The following GAREM1 variants were observed in gnomAD, a reference collection of about 807,000 sequenced individuals.
GAREM1 encodes the protein GRB2 associated regulator of MAPK1 subtype 1.
GAREM1 carries 26 observed loss-of-function variants against 71.3 expected under a neutral mutation model. The ratio of observed to expected loss-of-function variants is 0.36; its 90% CI spans 0.27 to 0.51. GAREM1 has a LOEUF of 0.51. Among genes scored for constraint, GAREM1 ranks in the 20% least tolerant of loss-of-function variants. The probability of loss-of-function intolerance (pLI) is 0.95; values close to 1 mark genes in which losing one functional copy is unlikely to be tolerated. For synonymous variants in GAREM1, 440 were observed against 433.2 expected, an observed-to-expected ratio of 1.02 and a Z score of -0.20; for missense variants, 1,026 against 1,103.1, an observed-to-expected ratio of 0.93 and a Z score of 0.99.
At chr18:32,455,156 T>G (rs1238576820) in intron 1 of GAREM1, among the ~76,000 whole-genome samples, 2 of 152,184 alleles carry the variant, frequency 1.3e-5, no homozygotes, top group African/African-American at 4.8e-5. Context: ...CTGTATTTAT[T>G]CAGTCTGGGT....
chr18:32,385,927 C>T (rs576603212), intron 2 of GAREM1, among the ~76,000 whole-genome samples: 6 of 152,198 alleles, frequency 3.9e-5, no homozygotes, highest in Non-Finnish European at 5.9e-5. Flanking sequence ...GCTGAGTTAA[C>T]GAAGTGCCCA....
chr18:32,426,355 G>T (rs1015209858), intron 1 of GAREM1, among the ~76,000 whole-genome samples: 1 of 152,116 alleles, frequency 6.6e-6, no homozygotes, highest in Non-Finnish European at 1.5e-5. Flanking sequence ...GAGAAAATAG[G>T]ATGTTTGACT....
intron 1 of GAREM1, among the ~76,000 whole-genome samples, chr18:32,468,530 G>T (rs1159549343): frequency 6.6e-6 from 1 of 152,204 alleles, no homozygotes; most frequent in Non-Finnish European, 1.5e-5. Context: ...AGCTTGAAAG[G>T]ACACAGTGTT....
chr18:32,451,300 A>G (rs1214373925), intron 1 of GAREM1, among the ~76,000 whole-genome samples: 1 of 137,996 alleles, frequency 7.2e-6, no homozygotes, highest in African/African-American at 2.7e-5. Context: ...GACCAGAATT[A>G]TTCTTTCTTA....
intron 2 of GAREM1, among the ~76,000 whole-genome samples, chr18:32,370,690 T>C (rs889753985): frequency 6.6e-6 from 1 of 152,190 alleles, no homozygotes; most frequent in African/African-American, 2.4e-5. Flanking sequence ...ACCACTTAGA[T>C]TGGCGATCAG....
chr18:32,347,877 G>A (rs529085930), intron 2 of GAREM1, among the ~76,000 whole-genome samples: 167 of 152,200 alleles, frequency 1.1e-3, no homozygotes, highest in Non-Finnish European at 1.8e-3. Flanking sequence ...CGTGTGTCAG[G>A]TCCTTTTCTC....
At chr18:32,317,770 A>G (rs1436755382) in intron 2 of GAREM1, among the ~76,000 whole-genome samples, 2 of 150,156 alleles carry the variant, frequency 1.3e-5, no homozygotes, top group African/African-American at 4.9e-5. Flanking sequence ...AATGCTGAGT[A>G]TTACTACCTC....
intron 2 of GAREM1, among the ~76,000 whole-genome samples, chr18:32,345,361 C>T (rs2047685423): frequency 6.6e-6 from 1 of 152,112 alleles, no homozygotes. Flanking sequence ...AATATAATTA[C>T]ATTTTTGAAA....
intron 4 of GAREM1, among the ~76,000 whole-genome samples, chr18:32,279,321 C>T (rs954139325): frequency 1.3e-4 from 20 of 152,156 alleles, no homozygotes; most frequent in Admixed American, 7.2e-4. Flanking sequence ...GGCAAGTGAG[C>T]CAGTGAAGCT....
intron 3 of GAREM1, among the ~76,000 whole-genome samples, chr18:32,291,513 T>G (rs2047086658): frequency 6.6e-6 from 1 of 152,098 alleles, no homozygotes; most frequent in African/African-American, 2.4e-5. Flanking sequence ...TTTTTTTTAT[T>G]ATAAGTTCTG....
In GAREM1 at chr18:32,287,183, G is replaced by A. The variant is rs35916011; in HGVS notation, c.1414C>T (p.Leu472=). 1 of 1,614,218 alleles carries A rather than the reference G, an allele frequency of 6.2e-7. No individual in the cohort carries two copies. The highest frequency in any genetic ancestry group is 8.5e-7 in the Non-Finnish European group (1 of 1,180,018). The change falls in exon 4 of 6, where the codon CTG becomes TTG. Residue 472 remains leucine (L), a synonymous_variant. Coordinates refer to ENST00000269209, the MANE Select transcript of GAREM1 (RefSeq NM_001242409.2). This position sits in a 1 kb window ranked among gnomAD's most constrained non-coding sequence, Gnocchi z 5.9. The stretch of plus-strand genomic sequence containing the variant: ...TGATCACATCTGTTCTTCTCGCTCA[G>A]AGAGCGAGTGAGAGGCTGATGGCTG... ...KPSHQPLTRS[L]SEKNRCDQFR...
rs116263426 is a variant in GAREM1, at chr18:32,434,181, C to T, written c.121+36127G>A. 5.7e-3 allele frequency among the ~76,000 whole-genome samples: 868 copies of T among 152,122 alleles called. 11 individuals are homozygous for T. The highest frequency in any genetic ancestry group is 0.02 in the African/African-American group (814 of 41,524). ...TTCTCACTGTTGAAAAAAGAAGTTA[C>T]AAATACAAAAAGGAGGACTATCAAA... On this transcript the variant is annotated intron_variant, in intron 1 of 5. Transcript: ENST00000269209.
intron 2 of GAREM1, among the ~76,000 whole-genome samples, chr18:32,383,940 A>G (rs2048120452): frequency 1.3e-5 from 2 of 152,230 alleles, no homozygotes; most frequent in African/African-American, 2.4e-5. Flanking sequence ...TTAGAGCTTT[A>G]CTAGCATTTA....
At chr18:32,281,907 T>C (rs1009315248) in intron 4 of GAREM1, among the ~76,000 whole-genome samples, 1 of 152,104 alleles carries the variant, frequency 6.6e-6, no homozygotes, top group Non-Finnish European at 1.5e-5. Context: ...CTGATGACAT[T>C]CCACCACAAA....
intron 1 of GAREM1, chr18:32,412,661 G>A (rs553395869): frequency 5.2e-5 from 76 of 1,466,150 alleles, no homozygotes; most frequent in Middle Eastern, 4.8e-4. Flanking sequence ...CACAGTTGTG[G>A]CCATTCACAG....
chr18:32,303,909 T>C (rs1313925291), intron 3 of GAREM1, among the ~76,000 whole-genome samples: 36 of 128,888 alleles, frequency 2.8e-4, no homozygotes, highest in African/African-American at 1.0e-3. Context: ...TGACAAAGCA[T>C]GTTTCTTAAA....
intron 1 of GAREM1, among the ~76,000 whole-genome samples, chr18:32,402,799 T>G (rs1207899687): frequency 6.6e-6 from 1 of 152,180 alleles, no homozygotes; most frequent in Non-Finnish European, 1.5e-5. Context: ...GCATCATATA[T>G]TCAATCAACA....
intron 2 of GAREM1, among the ~76,000 whole-genome samples, chr18:32,318,787 A>C (rs2047404377): frequency 6.6e-6 from 1 of 152,196 alleles, no homozygotes; most frequent in South Asian, 2.1e-4. Context: ...CACAGTGTCC[A>C]TCTGTGGACC....
intron 1 of GAREM1, among the ~76,000 whole-genome samples, chr18:32,422,645 G>C (rs1238402005): frequency 6.6e-6 from 1 of 152,110 alleles, no homozygotes; most frequent in Admixed American, 6.6e-5. Context: ...TTGGAAGAAA[G>C]GTTTTCTTTA....
Sources: allele counts gnomAD v4.1 joint callset (sites outside exome capture counted in the v4.1 genomes callset), GRCh38; gene constraint gnomAD v4.1.1; non-coding constraint Gnocchi (gnomAD v3.1); transcripts MANE v1.5; gene names NCBI Gene and HGNC (gene_info 2026-07-23, HGNC 2026-07-21).